Variants in KIF6 observed in about 807,000 individuals in gnomAD.
KIF6 encodes the protein kinesin family member 6, also known as kinesin-like protein KIF6.
In KIF6, 106 loss-of-function variants were observed where a neutral mutation model predicts 112.7. That is an observed-to-expected ratio of 0.94 (90% CI 0.80 to 1.11). KIF6 has a LOEUF of 1.11. KIF6 is among the 50% of genes least tolerant of loss of function. The pLI, the probability that KIF6 is intolerant of heterozygous loss-of-function variation, is 0.00. For missense variants in KIF6, 929 were observed against 964.0 expected (o/e 0.96, Z 0.48); for synonymous variants, 339 against 339.9 (o/e 1.00, Z 0.03).
At chr6:39,492,637 T>C (rs1331336547) in intron 13 of KIF6, among the ~76,000 whole-genome samples, 1 of 152,192 alleles carries the variant, frequency 6.6e-6, no homozygotes, top group Non-Finnish European at 1.5e-5. Context: ...TCAGTGACTG[T>C]TGTGTGCCTC....
At chr6:39,356,704 A>G (rs1562125851) in intron 19 of KIF6, among the ~76,000 whole-genome samples, 1 of 152,288 alleles carries the variant, frequency 6.6e-6, no homozygotes, top group East Asian at 1.9e-4. Flanking sequence ...CAGATGGACA[A>G]TGGCAGGAGG....
intron 9 of KIF6, chr6:39,583,378 C>A (rs1368469125): frequency 2.1e-6 from 1 of 471,074 alleles, no homozygotes; most frequent in African/African-American, 2.0e-5. Flanking sequence ...AGCAGGAACA[C>A]TGTGTGATGC....
chr6:39,677,643 T>A (rs1163830857), intron 3 of KIF6, among the ~76,000 whole-genome samples: 1 of 140,998 alleles, frequency 7.1e-6, no homozygotes, highest in Non-Finnish European at 1.5e-5. Flanking sequence ...TAATGTGTCA[T>A]CTAGCATTAG....
intron 1 of KIF6, among the ~76,000 whole-genome samples, chr6:39,724,754 C>T (rs1433794022): frequency 6.6e-6 from 1 of 152,152 alleles, no homozygotes; most frequent in African/African-American, 2.4e-5. Context: ...TATGTGTATG[C>T]TTTGTGCATT....
chr6:39,613,756 C>T (rs1453018840), intron 5 of KIF6, among the ~76,000 whole-genome samples: 2 of 152,178 alleles, frequency 1.3e-5, no homozygotes, highest in Non-Finnish European at 2.9e-5. Context: ...ACATTTCAAA[C>T]TGGTTCACTT....
intron 10 of KIF6, among the ~76,000 whole-genome samples, chr6:39,566,046 T>C (rs576593818): frequency 6.6e-6 from 1 of 152,306 alleles, no homozygotes; most frequent in Admixed American, 6.5e-5. Flanking sequence ...CACATCTCGA[T>C]GTTGGACATA....
intron 3 of KIF6, among the ~76,000 whole-genome samples, chr6:39,666,543 A>G (rs1484487338): frequency 1.3e-5 from 2 of 152,200 alleles, no homozygotes; most frequent in African/African-American, 4.8e-5. Flanking sequence ...TAAGAACTCT[A>G]TCTTCTTCTA....
intron 13 of KIF6, among the ~76,000 whole-genome samples, chr6:39,448,481 T>A (rs926429338): frequency 1.3e-5 from 2 of 152,182 alleles, no homozygotes; most frequent in Non-Finnish European, 2.9e-5. Flanking sequence ...GGCCAAAATA[T>A]GTTGTATTAA....
intron 13 of KIF6, among the ~76,000 whole-genome samples, chr6:39,439,379 G>A (rs1181069422): frequency 6.6e-6 from 1 of 152,160 alleles, no homozygotes; most frequent in African/African-American, 2.4e-5. Context: ...CAGGTTCCCA[G>A]CGCTGGATCC....
intron 13 of KIF6, among the ~76,000 whole-genome samples, chr6:39,472,476 T>A (rs560928033): frequency 6.6e-6 from 1 of 152,202 alleles, no homozygotes; most frequent in African/African-American, 2.4e-5. Flanking sequence ...CATAGCCACA[T>A]GCTCTAAACA....
At chr6:39,514,082 C>A (rs1382869610) in intron 13 of KIF6, among the ~76,000 whole-genome samples, 1 of 152,050 alleles carries the variant, frequency 6.6e-6, no homozygotes, top group Non-Finnish European at 1.5e-5. Context: ...TGATTGATTT[C>A]TTTTTTCACT....
At chr6:39,514,461 T>C (rs1028213024) in intron 13 of KIF6, among the ~76,000 whole-genome samples, 6 of 152,228 alleles carry the variant, frequency 3.9e-5, no homozygotes, top group African/African-American at 1.4e-4. Flanking sequence ...AAAAACCTCT[T>C]TAATGTAGGG....
chr6:39,590,419 ATGTG>A (rs56859720), intron 7 of KIF6, among the ~76,000 whole-genome samples: 10,488 of 95,078 alleles, frequency 0.11, 657 homozygotes, highest in South Asian at 0.21. Context: ...ATGTGTGTGT[ATGTG>A]TGTGTGTATA....
At chr6:39,363,977 G>A (rs760624896) in intron 16 of KIF6, among the ~76,000 whole-genome samples, 28 of 152,092 alleles carry the variant, frequency 1.8e-4, no homozygotes, top group Admixed American at 1.2e-3. Flanking sequence ...GACATTTCCC[G>A]CTAACTTCTT....
chr6:39,413,067 A>G (rs1769609068), intron 15 of KIF6, among the ~76,000 whole-genome samples: 1 of 152,072 alleles, frequency 6.6e-6, no homozygotes, highest in Admixed American at 6.6e-5. Flanking sequence ...TAGGGTTGTA[A>G]TTGGTTTTGT....
chr6:39,592,679 C>T (rs915123052), intron 7 of KIF6, among the ~76,000 whole-genome samples: 1 of 152,128 alleles, frequency 6.6e-6, no homozygotes, highest in African/African-American at 2.4e-5. Flanking sequence ...TTTCTAAGGC[C>T]AAGATGTACC....
chr6:39,575,311 C>CA (rs1305558603), intron 10 of KIF6, among the ~76,000 whole-genome samples: 12 of 151,210 alleles, frequency 7.9e-5, no homozygotes, highest in African/African-American at 1.2e-4. Flanking sequence ...CACTCTGTTG[C>CA]CCAGGCCGGA....
At chr6:39,346,085 T>TCTCTCTCTCTCTCTCCCC (rs1212794740) in intron 20 of KIF6, among the ~76,000 whole-genome samples, 1 of 21,596 alleles carries the variant, frequency 4.6e-5, no homozygotes, top group Non-Finnish European at 8.0e-5. Context: ...TCTCTCTCTC[T>TCTCTCTCTCTCTCTCCCC]CCCCCCCCTC....
At chr6:39,663,376 G>A (rs1489773215) in intron 3 of KIF6, among the ~76,000 whole-genome samples, 2 of 152,140 alleles carry the variant, frequency 1.3e-5, no homozygotes, top group Non-Finnish European at 1.5e-5. Flanking sequence ...ATGACAGGAA[G>A]AGGAGAAGTA....
Sources: allele counts gnomAD v4.1 joint callset (sites outside exome capture counted in the v4.1 genomes callset), GRCh38; gene constraint gnomAD v4.1.1; transcripts MANE v1.5; gene names NCBI Gene and HGNC (gene_info 2026-07-23, HGNC 2026-07-21).